Variants in LPCAT1 observed in about 807,000 individuals in gnomAD.
LPCAT1 encodes lysophosphatidylcholine acyltransferase 1.
In LPCAT1, 23 loss-of-function variants were observed where a neutral mutation model predicts 60.9. The ratio of observed to expected loss-of-function variants is 0.38; its 90% CI spans 0.27 to 0.53. LPCAT1 has a LOEUF of 0.53. Ranked by LOEUF, LPCAT1 falls within the 20% of genes least tolerant of loss-of-function variation. The pLI, the probability that LPCAT1 is intolerant of heterozygous loss-of-function variation, is 0.82. For missense variants in LPCAT1, 622 were observed against 723.6 expected, an observed-to-expected ratio of 0.86 and a Z score of 1.61; for synonymous variants, 340 against 301.1, an observed-to-expected ratio of 1.13 and a Z score of -1.34.
chr5:1,465,073 ACG>A (rs947218831), intron 13 of LPCAT1, among the ~76,000 whole-genome samples: 4 of 119,088 alleles, frequency 3.4e-5, no homozygotes, highest in Non-Finnish European at 5.4e-5. Context: ...ACGCACACAC[ACG>A]GTAACACACA....
In LPCAT1 at chr5:1,484,513, C is replaced by T. The variant is rs1037087698; in HGVS notation, c.668-1027G>A. Among the ~76,000 whole-genome samples the T allele has an allele frequency of 3.3e-5, 5 of 152,310 alleles. No homozygotes were observed. In the East Asian group the frequency reaches 7.7e-4, roughly 24 times the overall value. Reference sequence around the variant, plus strand: ...GCCAGGCGAGTGAATCCCCAGGCAGCGCGTTCCTCCCAGGCTGCCAGCGAG... The same window carrying T: ...GCCAGGCGAGTGAATCCCCAGGCAGTGCGTTCCTCCCAGGCTGCCAGCGAG... On this transcript the variant is annotated intron_variant, in intron 5 of 13. Coordinates refer to ENST00000283415, the MANE Select transcript of LPCAT1 (RefSeq NM_024830.5).
At chr5:1,514,791 G>A (rs779540636) in intron 1 of LPCAT1, among the ~76,000 whole-genome samples, 4 of 152,154 alleles carry the variant, frequency 2.6e-5, no homozygotes, top group East Asian at 1.9e-4. Flanking sequence ...TGCGTGCTCC[G>A]CCAGGACCCC....
rs1306355171 is a variant in LPCAT1, at chr5:1,496,164, C to T, written c.279-1250G>A. Reference sequence around the variant, plus strand: ...TCACTTGAGGTCAGGAGCTCAAGACCAGCCTGGCCAACATGGTGAAACCCT... The same window carrying T: ...TCACTTGAGGTCAGGAGCTCAAGACTAGCCTGGCCAACATGGTGAAACCCT... On this transcript the variant is annotated intron_variant, in intron 2 of 13. Coordinates refer to ENST00000283415, the MANE Select transcript of LPCAT1 (RefSeq NM_024830.5). This position sits in a 1 kb window ranked among gnomAD's most constrained non-coding sequence, Gnocchi z 4.7. Among the ~76,000 whole-genome samples the T allele has an allele frequency of 1.3e-5, 2 of 152,172 alleles. No individual in the cohort carries two copies. Among genetic ancestry groups the T allele is most frequent in the African/African-American group, 4.8e-5 (2 of 41,440 alleles).
intron 1 of LPCAT1, among the ~76,000 whole-genome samples, chr5:1,506,623 AG>A (rs1283139061): frequency 6.6e-6 from 1 of 152,218 alleles, no homozygotes; most frequent in African/African-American, 2.4e-5. Context: ...CAGCACTGGC[AG>A]GGGTGGCCAA....
chr5:1,514,740 A>G (rs1355439679), intron 1 of LPCAT1, among the ~76,000 whole-genome samples: 1 of 152,136 alleles, frequency 6.6e-6, no homozygotes, highest in Non-Finnish European at 1.5e-5. Context: ...GGGGCTCAGG[A>G]GAAGCAGGCT....
At chr5:1,519,904 T>G (rs1736619932) in intron 1 of LPCAT1, among the ~76,000 whole-genome samples, 1 of 152,140 alleles carries the variant, frequency 6.6e-6, no homozygotes. Context: ...CTGCACATCC[T>G]CCACAGGGTG....
At chr5:1,511,520 C>T (rs1045299825) in intron 1 of LPCAT1, among the ~76,000 whole-genome samples, 5 of 147,578 alleles carry the variant, frequency 3.4e-5, no homozygotes, top group Non-Finnish European at 6.0e-5. Context: ...TACGTGGGGA[C>T]GTCACCTGCT....
Position 1,505,767 on chromosome 5 carries a change from C to T in LPCAT1, c.136-4164G>A, listed in dbSNP as rs2927663. On this transcript the variant is annotated intron_variant, in intron 1 of 13. Transcript: ENST00000283415. ...TCGTGCATGGGTTAGACTGCATGACCACCTGACCCTCACCTCACACGTCCA... is the reference window on the plus strand; with the variant it reads ...TCGTGCATGGGTTAGACTGCATGACTACCTGACCCTCACCTCACACGTCCA... 5.7e-3 allele frequency among the ~76,000 whole-genome samples: 868 copies of T among 152,362 alleles called. 7 individuals carry two copies. The highest frequency in any genetic ancestry group is 0.02 in the African/African-American group (825 of 41,584).
At position 1,483,497 on chromosome 5, in the gene LPCAT1, A is replaced by C. The variant is rs1354997884; in HGVS notation, c.668-11T>G. 6.2e-6 allele frequency: 10 copies of C among 1,613,682 alleles called. No homozygotes were observed. The highest frequency in any genetic ancestry group is 8.5e-6 in the Non-Finnish European group (10 of 1,179,948). ...CAGGGATGAATGCACCTGCCGAGAA[A>C]GGAACAGCGGTGTTGCCCATGGCAG... is the stretch of plus-strand genomic sequence containing the variant. On this transcript the variant is annotated splice_polypyrimidine_tract_variant and intron_variant, in intron 5 of 13. Coordinates refer to ENST00000283415, the MANE Select transcript of LPCAT1 (RefSeq NM_024830.5). The surrounding 1 kb of genome is among the most constrained non-coding windows in gnomAD (Gnocchi z 9.2).
At chr5:1,473,225 C>T (rs1734760035) in intron 11 of LPCAT1, among the ~76,000 whole-genome samples, 1 of 152,236 alleles carries the variant, frequency 6.6e-6, no homozygotes, top group African/African-American at 2.4e-5. Flanking sequence ...CTCATGCTGT[C>T]ACGGGACAGT....
At chr5:1,515,954 C>T (rs1373878860) in intron 1 of LPCAT1, among the ~76,000 whole-genome samples, 1 of 152,256 alleles carries the variant, frequency 6.6e-6, no homozygotes, top group Non-Finnish European at 1.5e-5. Flanking sequence ...CAAGGCTGAC[C>T]CCTGCTCAGC....
chr5:1,503,411 G>A (rs1736086273), intron 1 of LPCAT1, among the ~76,000 whole-genome samples: 1 of 152,230 alleles, frequency 6.6e-6, no homozygotes, highest in Non-Finnish European at 1.5e-5. Flanking sequence ...CTTTATCAGA[G>A]GTGCTTCCTG....
At position 1,523,645 on chromosome 5, in the gene LPCAT1, C is replaced by G. The variant is rs1411689374; in HGVS notation, c.135+65G>C. The G allele has an allele frequency of 9.7e-7, 1 of 1,034,942 alleles. No homozygotes were observed. Among genetic ancestry groups the G allele is most frequent in the Non-Finnish European group, 1.2e-6 (1 of 861,134 alleles). The allele number at this position is 1,034,942 out of a possible 1,614,324, so 64.1% of individuals were successfully genotyped here. The stretch of plus-strand genomic sequence containing the variant: ...CTCCCCGGCCCCTCCTCGGCCGCGC[C>G]TCCCTGGCCCCAGCATCCCTGGCGT... On this transcript the variant is annotated intron_variant, in intron 1 of 13. Transcript: ENST00000283415. This position sits in a 1 kb window ranked among gnomAD's most constrained non-coding sequence, Gnocchi z 7.1.
Position 1,495,003 on chromosome 5 carries a change from TC to T in LPCAT1, c.279-90del. ...CAGGGGCGGTCCCACGGGAGAGCCC[TC>T]CAGGGCGCAGTCCAGGCCACGGGCT... On this transcript the variant is annotated intron_variant, in intron 2 of 13. Transcript: ENST00000283415. This position sits in a 1 kb window ranked among gnomAD's most constrained non-coding sequence, Gnocchi z 4.7. The T allele has an allele frequency of 7.9e-7, 1 of 1,262,846 alleles. No homozygotes were observed. Among genetic ancestry groups the T allele is most frequent in the Non-Finnish European group, 1.1e-6 (1 of 908,912 alleles). 78.2% of individuals were successfully genotyped at this position (1,262,846 alleles called of 1,614,324 possible).
chr5:1,511,246 G>A (rs550744409), intron 1 of LPCAT1, among the ~76,000 whole-genome samples: 12 of 152,322 alleles, frequency 7.9e-5, no homozygotes, highest in African/African-American at 2.2e-4. Flanking sequence ...TTGGCTCTGC[G>A]GGGTTGACCT....
At chr5:1,520,876 A>AG (rs1334998931) in intron 1 of LPCAT1, among the ~76,000 whole-genome samples, 3,353 of 149,388 alleles carry the variant, frequency 0.022, 146 homozygotes, top group African/African-American at 0.078. Context: ...AAAAAAAAAA[A>AG]AAAGAAAAAG....
intron 13 of LPCAT1, among the ~76,000 whole-genome samples, chr5:1,465,142 C>T (rs115669267): frequency 3.6e-4 from 51 of 140,304 alleles, no homozygotes; most frequent in East Asian, 1.6e-3. Flanking sequence ...CAAGCGCAGG[C>T]ACACGCGGTA....
In LPCAT1 at chr5:1,462,803, A is replaced by G. The variant is rs1382573568; in HGVS notation, c.*848T>C. ...AGGCTACAGTGAAATGGATTACGTTATGCCGAAACAGAAACATCAAACTGC... is the reference window on the plus strand; with the variant it reads ...AGGCTACAGTGAAATGGATTACGTTGTGCCGAAACAGAAACATCAAACTGC... On this transcript the variant is annotated 3_prime_UTR_variant, in exon 14 of 14. Transcript: ENST00000283415. 2 of 152,230 alleles carry G rather than the reference A, an allele frequency of 1.3e-5. No homozygotes were observed. The highest frequency in any genetic ancestry group is 2.9e-5 in the Non-Finnish European group (2 of 68,038). 9.4% of individuals were successfully genotyped at this position (152,230 alleles called of 1,614,324 possible). A position where few individuals can be genotyped will look rare whatever the true frequency, so the allele number is the denominator to read the frequency against.
At chr5:1,514,815 A>T (rs779309833) in intron 1 of LPCAT1, among the ~76,000 whole-genome samples, 5 of 152,120 alleles carry the variant, frequency 3.3e-5, no homozygotes, top group Non-Finnish European at 1.5e-5. Flanking sequence ...TTCCACCTCC[A>T]GCCAAAACAG....
Sources: allele counts gnomAD v4.1 joint callset (sites outside exome capture counted in the v4.1 genomes callset), GRCh38; gene constraint gnomAD v4.1.1; non-coding constraint Gnocchi (gnomAD v3.1); transcripts MANE v1.5; gene names NCBI Gene and HGNC (gene_info 2026-07-23, HGNC 2026-07-21).